The following PKD1L1 variants were observed in gnomAD, a reference collection of about 807,000 sequenced individuals.
PKD1L1 encodes the protein polycystin-1-like protein 1.
Under a neutral mutation model 323.4 loss-of-function variants are expected in PKD1L1, and 236 were observed. The ratio of observed to expected loss-of-function variants is 0.73; its 90% CI spans 0.66 to 0.81. The LOEUF is 0.81. PKD1L1 is among the 40% of genes least tolerant of loss of function. The pLI, the probability that PKD1L1 is intolerant of heterozygous loss-of-function variation, is 0.00. For synonymous variants in PKD1L1, 1,344 were observed against 1,335.0 expected, an observed-to-expected ratio of 1.01 and a Z score of -0.15; for missense variants, 3,320 against 3,508.0, an observed-to-expected ratio of 0.95 and a Z score of 1.35.
chr7:47,944,887 G>A (rs116686787), intron 1 of PKD1L1, among the ~76,000 whole-genome samples: 3 of 152,310 alleles, frequency 2.0e-5, no homozygotes, highest in Non-Finnish European at 2.9e-5. Flanking sequence ...ACTAAGGTGC[G>A]GGTTTCCTGG....
At chr7:47,915,651 A>G (rs745813959) in intron 7 of PKD1L1, 52 bp from the exon 8 acceptor site, 1 of 1,189,606 alleles carries the variant, frequency 8.4e-7, no homozygotes, top group Non-Finnish European at 1.2e-6. Flanking sequence ...TTAATAAACT[A>G]GGGGAAAATG....
intron 45 of PKD1L1, among the ~76,000 whole-genome samples, chr7:47,822,876 T>C (rs1785174614): frequency 6.6e-6 from 1 of 152,180 alleles, no homozygotes; most frequent in African/African-American, 2.4e-5. Flanking sequence ...ATTACTGGTA[T>C]ATAGGAATAT....
intron 33 of PKD1L1, among the ~76,000 whole-genome samples, chr7:47,843,765 G>T (rs905025379): frequency 6.6e-6 from 1 of 152,254 alleles, no homozygotes; most frequent in Admixed American, 6.5e-5. Flanking sequence ...ATATCAAGCT[G>T]CTGTGCAGGG....
At chr7:47,799,028 C>T (rs7801465) in intron 54 of PKD1L1, among the ~76,000 whole-genome samples, 109,802 of 152,136 alleles carry the variant, frequency 0.72, 39,816 homozygotes, top group Non-Finnish European at 0.75. Context: ...AAAATTGCCA[C>T]AATTATTTGT....
At chr7:47,874,217 C>CT (rs1454003252) in intron 23 of PKD1L1, among the ~76,000 whole-genome samples, 1 of 152,164 alleles carries the variant, frequency 6.6e-6, no homozygotes, top group African/African-American at 2.4e-5. Context: ...TGACCAGTTC[C>CT]TACATGATAT....
At chr7:47,863,274 G>A (rs748698464) in intron 26 of PKD1L1, among the ~76,000 whole-genome samples, 1 of 152,164 alleles carries the variant, frequency 6.6e-6, no homozygotes, top group Non-Finnish European at 1.5e-5. Context: ...ACTCTGCCAT[G>A]CTGGGTCTGT....
At chr7:47,886,184 A>G (rs1786680649) in intron 17 of PKD1L1, 130 bp from the exon 18 acceptor site, 10 of 1,231,524 alleles carry the variant, frequency 8.1e-6, no homozygotes, top group Non-Finnish European at 1.1e-5. Flanking sequence ...ACCTACACTT[A>G]AGAGATACAG....
At chr7:47,894,126 A>C in intron 14 of PKD1L1, 67 bp from the exon 15 acceptor site, 1 of 1,406,344 alleles carries the variant, frequency 7.1e-7, no homozygotes, top group Non-Finnish European at 9.6e-7. Context: ...GGAGAAACAC[A>C]CTAGTCTGAA....
At chr7:47,950,536 C>T (rs1002097493), upstream of PKD1L1, among the ~76,000 whole-genome samples, 3 of 151,986 alleles carry the variant, frequency 2.0e-5, no homozygotes, top group Admixed American at 6.6e-5. Flanking sequence ...GGAGAAACCC[C>T]GTCTCTACTA....
rs772747191 is a variant in PKD1L1, at chr7:47,834,344, G to A, written c.6169C>T (p.Arg2057Cys). Reference protein sequence around the residue: ...WGRIPDAQEPRKQPASAILSG... With the variant: ...WGRIPDAQEPCKQPASAILSG... ...GCGCATAATGATTGATTTACCTTGC[G>A]TGGCTCCTGTGCGTCTGGTATCCTT... Residue 2057 changes from arginine to cysteine, a missense_variant, in exon 40 of 57, where the codon CGC becomes TGC. By Grantham distance (180) the Arg-to-Cys change is radical. Transcript: ENST00000289672. The A allele has an allele frequency of 1.5e-5, 25 of 1,613,626 alleles. No individual in the cohort carries two copies. The highest frequency in any genetic ancestry group is 5.0e-5 in the Admixed American group (3 of 59,994).
At chr7:47,928,166 C>T (rs558530248) in intron 7 of PKD1L1, among the ~76,000 whole-genome samples, 8 of 152,280 alleles carry the variant, frequency 5.3e-5, no homozygotes, top group African/African-American at 1.9e-4. Context: ...AAGTAGAAGG[C>T]AGTAGTTGAC....
upstream of PKD1L1, among the ~76,000 whole-genome samples, chr7:47,949,368 C>CTAAAAAAAAA (rs1788167600): frequency 1.8e-5 from 1 of 57,134 alleles, no homozygotes; most frequent in Non-Finnish European, 3.2e-5. Context: ...GGCTCTGTCT[C>CTAAAAAAAAA]AAAAAAAAAA....
intron 24 of PKD1L1, among the ~76,000 whole-genome samples, chr7:47,872,775 TG>T (rs1405270841): frequency 6.6e-6 from 1 of 152,202 alleles, no homozygotes; most frequent in Non-Finnish European, 1.5e-5. Context: ...GAAAATAGTT[TG>T]GTAGTTACCA....
rs776843109 is a variant in PKD1L1 at position 47,919,078 on chromosome 7, C to CA, written c.1061-3480dup. 3.9e-5 allele frequency among the ~76,000 whole-genome samples: 6 copies of CA among 151,902 alleles called. No homozygotes were observed. The South Asian group carries it at 8.3e-4, about 21-fold the overall frequency. On this transcript the variant is annotated intron_variant, in intron 7 of 56. Transcript: ENST00000289672. ...CAAAAAATACAAAAGATAAATAAAACAAAAAGCTGGTTCTTTGAAAAAATA... is the reference window on the plus strand; with the variant it reads ...CAAAAAATACAAAAGATAAATAAAACAAAAAAGCTGGTTCTTTGAAAAAATA...
chr7:47,894,487 T>C (rs1468556362), intron 14 of PKD1L1, among the ~76,000 whole-genome samples: 2 of 152,200 alleles, frequency 1.3e-5, no homozygotes, highest in African/African-American at 4.8e-5. Flanking sequence ...AAATGAAATT[T>C]AAGACAAATA....
intron 4 of PKD1L1, among the ~76,000 whole-genome samples, chr7:47,934,066 G>C (rs1787822027): frequency 6.6e-6 from 1 of 152,104 alleles, no homozygotes; most frequent in African/African-American, 2.4e-5. Context: ...ATGTTACTTT[G>C]TTTGCTGTGG....
intron 21 of PKD1L1, among the ~76,000 whole-genome samples, chr7:47,878,355 TCATA>T (rs1050733351): frequency 2.6e-5 from 4 of 152,334 alleles, no homozygotes; most frequent in East Asian, 3.9e-4. Context: ...ATGATTATTC[TCATA>T]CATATAGTTT....
At chr7:47,811,725 G>T in intron 50 of PKD1L1, 92 bp downstream of exon 50, 1 of 995,296 alleles carries the variant, frequency 1.0e-6, no homozygotes, top group Non-Finnish European at 1.5e-6. Context: ...GAATGGGTAG[G>T]GAACTAGTCC....
At chr7:47,780,160 C>A (rs778519297) in intron 56 of PKD1L1, among the ~76,000 whole-genome samples, 35 of 152,036 alleles carry the variant, frequency 2.3e-4, no homozygotes, top group Non-Finnish European at 4.4e-4. Context: ...AAACAATATC[C>A]CAGCCAGGAT....
Sources: gnomAD v4.1 joint callset for allele counts (sites outside exome capture counted in the v4.1 genomes callset) on GRCh38, gnomAD v4.1.1 for gene constraint, MANE v1.5 for transcripts, NCBI Gene and HGNC (gene_info 2026-07-23, HGNC 2026-07-21) for gene names.